Variants in AGBL1 observed in about 807,000 individuals in gnomAD.
The protein encoded by AGBL1 is cytosolic carboxypeptidase 4.
Under a neutral mutation model 118.9 loss-of-function variants are expected in AGBL1, and 130 were observed. That is an observed-to-expected ratio of 1.09 (90% CI 0.95 to 1.26). AGBL1 has a LOEUF of 1.26. Ranked by LOEUF, AGBL1 falls within the 50% of genes most tolerant of loss-of-function variation. The pLI, the probability that AGBL1 is intolerant of heterozygous loss-of-function variation, is 0.00. For synonymous variants in AGBL1, 555 were observed against 478.9 expected, an observed-to-expected ratio of 1.16 and a Z score of -2.08; for missense variants, 1,584 against 1,298.1, an observed-to-expected ratio of 1.22 and a Z score of -3.38.
chr15:86,510,341 A>G (rs2083039083), intron 18 of AGBL1, among the ~76,000 whole-genome samples: 1 of 90,802 alleles, frequency 1.1e-5, no homozygotes, highest in African/African-American at 3.1e-5. Context: ...CATCAGGGGA[A>G]TTCCTTCATG....
intron 22 of AGBL1, among the ~76,000 whole-genome samples, chr15:86,738,048 G>A (rs1483741371): frequency 6.6e-6 from 1 of 152,108 alleles, no homozygotes; most frequent in African/African-American, 2.4e-5. Context: ...AAAACCATAT[G>A]TTCATCTCTA....
chr15:86,206,357 C>T (rs569704759), intron 5 of AGBL1, among the ~76,000 whole-genome samples: 25 of 152,212 alleles, frequency 1.6e-4, no homozygotes, highest in African/African-American at 5.8e-4. Context: ...TCAAATGGTA[C>T]TTCTAGTTCT....
intron 18 of AGBL1, among the ~76,000 whole-genome samples, chr15:86,456,019 C>T (rs2082254506): frequency 6.6e-6 from 1 of 152,130 alleles, no homozygotes; most frequent in African/African-American, 2.4e-5. Flanking sequence ...TCAGTGATAT[C>T]CTCACCTCAT....
At position 86,699,824 on chromosome 15, in the gene AGBL1, G is replaced by A. The variant is rs563586031; in HGVS notation, c.3158+25388G>A. Among the ~76,000 whole-genome samples the A allele has an allele frequency of 2.0e-5, 3 of 151,954 alleles. No homozygotes were observed. The South Asian group carries it at 6.2e-4, about 32-fold the overall frequency. On this transcript the variant is annotated intron_variant, in intron 22 of 22. Transcript: ENST00000614907. ...CTCTGTATAGTTTCTATTTTTCCTTGTAACTAATAGCTATTTTGTGAGATG... is the reference window on the plus strand; with the variant it reads ...CTCTGTATAGTTTCTATTTTTCCTTATAACTAATAGCTATTTTGTGAGATG...
At chr15:86,591,311 C>T (rs1426619283) in intron 21 of AGBL1, among the ~76,000 whole-genome samples, 1 of 152,186 alleles carries the variant, frequency 6.6e-6, no homozygotes, top group Non-Finnish European at 1.5e-5. Context: ...AACCACTGGA[C>T]ACCTGCTGGA....
At chr15:86,322,771 A>G (rs796906786) in intron 17 of AGBL1, among the ~76,000 whole-genome samples, 4 of 152,282 alleles carry the variant, frequency 2.6e-5, no homozygotes, top group African/African-American at 9.6e-5. Context: ...ATCAAACTAC[A>G]TTAGTAGTGT....
chr15:86,221,970 G>T (rs79329874), intron 5 of AGBL1, among the ~76,000 whole-genome samples: 4,765 of 152,202 alleles, frequency 0.031, 116 homozygotes, highest in South Asian at 0.082. Context: ...AAAATTTCCA[G>T]TTTGAAAAAC....
intron 21 of AGBL1, among the ~76,000 whole-genome samples, chr15:86,628,709 T>G: frequency 6.6e-6 from 1 of 151,818 alleles, no homozygotes; most frequent in Non-Finnish European, 1.5e-5. Flanking sequence ...GGCAGGAGAA[T>G]GGCATGAACC....
intron 5 of AGBL1, among the ~76,000 whole-genome samples, chr15:86,166,436 C>T (rs1443571064): frequency 6.6e-6 from 1 of 152,200 alleles, no homozygotes; most frequent in Non-Finnish European, 1.5e-5. Flanking sequence ...GCTGAGCAGA[C>T]AGGGCCTCTG....
At chr15:86,552,387 A>C (rs1441234470) in intron 20 of AGBL1, among the ~76,000 whole-genome samples, 1 of 152,220 alleles carries the variant, frequency 6.6e-6, no homozygotes, top group Non-Finnish European at 1.5e-5. Flanking sequence ...AAAAAAGGAA[A>C]AGTCACTTAA....
intron 1 of AGBL1, among the ~76,000 whole-genome samples, chr15:86,121,279 C>G (rs1898079770): frequency 6.6e-6 from 1 of 152,158 alleles, no homozygotes; most frequent in African/African-American, 2.4e-5. Flanking sequence ...AATAATTTGT[C>G]ATTTTACTAT....
intron 22 of AGBL1, among the ~76,000 whole-genome samples, chr15:86,898,550 G>A (rs1210391180): frequency 1.3e-5 from 2 of 152,036 alleles, no homozygotes; most frequent in Non-Finnish European, 2.9e-5. Flanking sequence ...TGGACAACTG[G>A]GATCTAATTA....
chr15:86,470,509 T>C (rs987754919), intron 18 of AGBL1, among the ~76,000 whole-genome samples: 5 of 152,182 alleles, frequency 3.3e-5, no homozygotes, highest in African/African-American at 1.2e-4. Flanking sequence ...CAAGATTGTT[T>C]TGACCAGTCA....
At chr15:86,778,068 G>T (rs1255531762) in intron 22 of AGBL1, among the ~76,000 whole-genome samples, 4 of 152,032 alleles carry the variant, frequency 2.6e-5, no homozygotes, top group Non-Finnish European at 5.9e-5. Flanking sequence ...TTTAAAGCTG[G>T]GTGTCCAGGG....
At chr15:86,707,647 G>A (rs562270407) in intron 22 of AGBL1, among the ~76,000 whole-genome samples, 1 of 152,080 alleles carries the variant, frequency 6.6e-6, no homozygotes, top group Non-Finnish European at 1.5e-5. Context: ...GAAAAGCAAA[G>A]CCTCATAAGT....
chr15:86,925,663 G>A (rs1033675946), intron 23 of AGBL1, among the ~76,000 whole-genome samples: 4 of 150,144 alleles, frequency 2.7e-5, no homozygotes, highest in African/African-American at 9.8e-5. Context: ...CTCATTGATG[G>A]GAGTTTTTCT....
At chr15:86,166,820 A>AAAAAC (rs1394066859) in intron 5 of AGBL1, among the ~76,000 whole-genome samples, 2 of 152,186 alleles carry the variant, frequency 1.3e-5, no homozygotes, top group African/African-American at 2.4e-5. Context: ...ACAGGCCTCC[A>AAAAAC]AAAACAAAAC....
intron 5 of AGBL1, among the ~76,000 whole-genome samples, chr15:86,166,898 G>A (rs905355986): frequency 6.6e-6 from 1 of 152,016 alleles, no homozygotes; most frequent in Non-Finnish European, 1.5e-5. Context: ...CCCTGATGAC[G>A]GTCCTCTACA....
Position 86,804,923 on chromosome 15 carries a change from C to T in AGBL1, c.3159-102164C>T, listed in dbSNP as rs565436213. 4.7e-4 allele frequency among the ~76,000 whole-genome samples: 71 copies of T among 152,180 alleles called. No individual in the cohort carries two copies. The South Asian group carries it at 5.8e-3, about 12-fold the overall frequency. On this transcript the variant is annotated intron_variant, in intron 22 of 22. Coordinates refer to ENST00000614907, the MANE Select transcript of AGBL1 (RefSeq NM_001386094.1). ...TGGAATATAAACCAAGAGCTCAAAG[C>T]TAAGGTAGGAAAAGTTTAGATTAGC...
Sources: gnomAD v4.1 joint callset for allele counts (sites outside exome capture counted in the v4.1 genomes callset) on GRCh38, gnomAD v4.1.1 for gene constraint, MANE v1.5 for transcripts, NCBI Gene and HGNC (gene_info 2026-07-23, HGNC 2026-07-21) for gene names.